UCHL3: variants seen among roughly 807,000 people sequenced by gnomAD.
UCHL3 encodes ubiquitin C-terminal hydrolase L3.
UCHL3 carries 22 observed loss-of-function variants against 35.8 expected under a neutral mutation model. That is an observed-to-expected ratio of 0.61 (90% CI 0.44 to 0.88). The LOEUF (loss-of-function observed/expected upper bound fraction) is 0.88, where lower values mean the gene tolerates loss of function less well. Among genes scored for constraint, UCHL3 ranks in the 40% least tolerant of loss-of-function variants. The pLI is 0.00. For synonymous variants in UCHL3, 90 were observed against 92.8 expected (o/e 0.97, Z 0.17); for missense variants, 229 against 276.9 (o/e 0.83, Z 1.23).
intron 6 of UCHL3, chr13:75,590,020 C>A: frequency 7.7e-7 from 1 of 1,304,740 alleles, no homozygotes; most frequent in Middle Eastern, 2.1e-4. Context: ...GCATCCCTGC[C>A]CTGGGTCAAA....
chr13:75,555,275 G>GC (rs1359244427), intron 2 of UCHL3, among the ~76,000 whole-genome samples: 1 of 152,064 alleles, frequency 6.6e-6, no homozygotes, highest in Non-Finnish European at 1.5e-5. Flanking sequence ...AGCTAAATTA[G>GC]CCCCCCAAAT....
chr13:75,566,955 G>A (rs74617651), intron 4 of UCHL3, 104 bp downstream of exon 4: 33,148 of 1,266,722 alleles, frequency 0.026, 505 homozygotes, highest in Middle Eastern at 0.03. Flanking sequence ...ATAAAATAAA[G>A]CATTCCCTGC....
chr13:75,593,870 A>G (rs958943548), intron 6 of UCHL3, among the ~76,000 whole-genome samples: 3 of 152,204 alleles, frequency 2.0e-5, no homozygotes, highest in African/African-American at 7.2e-5. Flanking sequence ...CTACTTGAAA[A>G]TATATACTTA....
At chr13:75,561,182 A>G (rs979217219) in intron 3 of UCHL3, among the ~76,000 whole-genome samples, 5 of 152,210 alleles carry the variant, frequency 3.3e-5, no homozygotes, top group African/African-American at 7.2e-5. Context: ...ATCCTCCCGC[A>G]TCGGTCTCCC....
chr13:75,605,450 G>T, intron 8 of UCHL3, among the ~76,000 whole-genome samples: 1 of 152,178 alleles, frequency 6.6e-6, no homozygotes, highest in East Asian at 1.9e-4. Context: ...AGAGGTTGCA[G>T]TGGGCCGAGA....
At position 75,594,412 on chromosome 13, in the gene UCHL3, C is replaced by T. The variant is rs541069811; in HGVS notation, c.475-503C>T. ...TTATTTTACTCAAAGACTGTTTACACTGCACTGTTGAAACATCAGATTATC... is the reference window on the plus strand; with the variant it reads ...TTATTTTACTCAAAGACTGTTTACATTGCACTGTTGAAACATCAGATTATC... On this transcript the variant is annotated intron_variant, in intron 6 of 8. Coordinates refer to ENST00000377595, the MANE Select transcript of UCHL3 (RefSeq NM_006002.5). Among the ~76,000 whole-genome samples the T allele has an allele frequency of 5.3e-5, 8 of 152,288 alleles. No homozygotes were observed. The South Asian group carries it at 1.2e-3, about 24-fold the overall frequency.
intron 5 of UCHL3, among the ~76,000 whole-genome samples, chr13:75,568,787 T>C (rs1018136412): frequency 6.6e-6 from 1 of 152,162 alleles, no homozygotes. Flanking sequence ...TATAAACTCC[T>C]AGAAGAGAAG....
At chr13:75,584,379 A>C (rs1228089243) in intron 6 of UCHL3, among the ~76,000 whole-genome samples, 1 of 152,200 alleles carries the variant, frequency 6.6e-6, no homozygotes, top group Non-Finnish European at 1.5e-5. Flanking sequence ...TTGAAAAAGA[A>C]AACATCCTAC....
chr13:75,563,790 T>C (rs1316736917), intron 3 of UCHL3, among the ~76,000 whole-genome samples: 1 of 152,214 alleles, frequency 6.6e-6, no homozygotes, highest in Admixed American at 6.5e-5. Context: ...TTTGAGCTTT[T>C]CCATGTATCA....
upstream of UCHL3, chr13:75,549,563 A>G (rs2030995039): frequency 6.6e-6 from 3 of 454,522 alleles, no homozygotes; most frequent in Non-Finnish European, 1.2e-5. Context: ...GGATTCAGAT[A>G]CTGTTTTTCT....
chr13:75,564,581 T>A (rs898661741), intron 3 of UCHL3, among the ~76,000 whole-genome samples: 2 of 152,226 alleles, frequency 1.3e-5, no homozygotes, highest in Non-Finnish European at 2.9e-5. Context: ...CTGTTTTTCA[T>A]AATGGCTGTA....
intron 2 of UCHL3, among the ~76,000 whole-genome samples, chr13:75,550,469 T>C (rs1344238303): frequency 6.6e-6 from 1 of 152,174 alleles, no homozygotes; most frequent in Non-Finnish European, 1.5e-5. Flanking sequence ...ATGAAGTCAC[T>C]TTTCTTCCCC....
intron 3 of UCHL3, among the ~76,000 whole-genome samples, chr13:75,563,013 T>C (rs915425462): frequency 1.3e-5 from 2 of 152,176 alleles, no homozygotes; most frequent in African/African-American, 2.4e-5. Flanking sequence ...GTGCATTCTT[T>C]AGGAGCTGCA....
chr13:75,549,649 C>T (rs4885310), upstream of UCHL3: 36 of 633,790 alleles, frequency 5.7e-5, no homozygotes, highest in Non-Finnish European at 8.7e-5. Context: ...GACCTACGGC[C>T]CTGCACGGAG....
chr13:75,580,778 A>G (rs974810986), intron 6 of UCHL3, among the ~76,000 whole-genome samples: 1 of 152,228 alleles, frequency 6.6e-6, no homozygotes, highest in Non-Finnish European at 1.5e-5. Flanking sequence ...CAGATGGGAA[A>G]TCTAAGAAGC....
intron 2 of UCHL3, among the ~76,000 whole-genome samples, chr13:75,557,485 TAGTC>T (rs1379622174): frequency 6.6e-6 from 1 of 152,220 alleles, no homozygotes; most frequent in African/African-American, 2.4e-5. Context: ...TTTGTTGAGT[TAGTC>T]AGAGGTTTTT....
At chr13:75,605,018 A>T in intron 8 of UCHL3, 191 bp downstream of exon 8, 1 of 423,264 alleles carries the variant, frequency 2.4e-6, no homozygotes, top group Non-Finnish European at 4.1e-6. Context: ...TCACAGCTCT[A>T]TGAACAAATG....
chr13:75,569,911 C>A (rs2031798317), intron 6 of UCHL3, among the ~76,000 whole-genome samples: 1 of 152,234 alleles, frequency 6.6e-6, no homozygotes, highest in Admixed American at 6.5e-5. Flanking sequence ...ACATCATTTT[C>A]TTTGCTCAAT....
At chr13:75,599,410 C>A (rs777071807) in intron 7 of UCHL3, among the ~76,000 whole-genome samples, 8 of 152,170 alleles carry the variant, frequency 5.3e-5, no homozygotes, top group African/African-American at 7.2e-5. Flanking sequence ...TTTGACTGTA[C>A]TTTACATATA....
Sources: allele counts gnomAD v4.1 joint callset (sites outside exome capture counted in the v4.1 genomes callset), GRCh38; gene constraint gnomAD v4.1.1; transcripts MANE v1.5; gene names NCBI Gene and HGNC (gene_info 2026-07-23, HGNC 2026-07-21).